The following ENTHD1 variants were observed in gnomAD, a reference collection of about 807,000 sequenced individuals.
The protein encoded by ENTHD1 is ENTH domain-containing protein 1.
A neutral mutation model predicts 39.1 loss-of-function variants in ENTHD1; 23 were observed. The ratio of observed to expected loss-of-function variants is 0.59; its 90% confidence interval spans 0.42 to 0.83. The LOEUF is 0.83. Among genes scored for constraint, ENTHD1 ranks in the 40% least tolerant of loss-of-function variants. The probability of loss-of-function intolerance (pLI) is 0.00; values close to 1 mark genes in which losing one functional copy is unlikely to be tolerated. For synonymous variants in ENTHD1, 230 were observed against 258.2 expected, an observed-to-expected ratio of 0.89 and a Z score of 1.05; for missense variants, 624 against 705.4, an observed-to-expected ratio of 0.88 and a Z score of 1.31.
intron 5 of ENTHD1, among the ~76,000 whole-genome samples, chr22:39,791,652 C>G (rs1341326465): frequency 6.6e-6 from 1 of 152,124 alleles, no homozygotes; most frequent in Non-Finnish European, 1.5e-5. Context: ...CCTGCCTCAG[C>G]CTCCCAAAGT....
chr22:39,857,556 G>A (rs1016473111), intron 3 of ENTHD1, among the ~76,000 whole-genome samples: 1 of 151,746 alleles, frequency 6.6e-6, no homozygotes, highest in African/African-American at 2.4e-5. Context: ...ATCAATTTAG[G>A]GATTCATTTC....
At chr22:39,758,845 T>C (rs995068227) in intron 6 of ENTHD1, among the ~76,000 whole-genome samples, 4 of 152,218 alleles carry the variant, frequency 2.6e-5, no homozygotes, top group Non-Finnish European at 5.9e-5. Context: ...TGCCAAATGC[T>C]TTTCTGCATG....
intron 5 of ENTHD1, among the ~76,000 whole-genome samples, chr22:39,779,116 A>G (rs2065387720): frequency 6.6e-6 from 1 of 152,184 alleles, no homozygotes; most frequent in African/African-American, 2.4e-5. Context: ...CAGGAGTTCG[A>G]GACCAGCCTG....
intron 2 of ENTHD1, among the ~76,000 whole-genome samples, chr22:39,863,880 C>T (rs577360155): frequency 6.6e-6 from 1 of 152,330 alleles, no homozygotes; most frequent in African/African-American, 2.4e-5. Flanking sequence ...CTGGTGTGGA[C>T]AGTGTCAGCA....
chr22:39,790,017 G>A (rs2065491611), intron 5 of ENTHD1, among the ~76,000 whole-genome samples: 1 of 152,062 alleles, frequency 6.6e-6, no homozygotes, highest in African/African-American at 2.4e-5. Flanking sequence ...GAGACCCACA[G>A]GCAGGAGGGG....
At chr22:39,801,618 G>A (rs1180169759) in intron 5 of ENTHD1, among the ~76,000 whole-genome samples, 1 of 152,178 alleles carries the variant, frequency 6.6e-6, no homozygotes, top group East Asian at 1.9e-4. Flanking sequence ...CTGTTGTATG[G>A]GAGGTAGTAA....
intron 5 of ENTHD1, among the ~76,000 whole-genome samples, chr22:39,778,304 A>G (rs2065381084): frequency 6.6e-6 from 1 of 152,164 alleles, no homozygotes; most frequent in African/African-American, 2.4e-5. Context: ...TGCAAGCATG[A>G]TGCATTCTCT....
intron 4 of ENTHD1, among the ~76,000 whole-genome samples, chr22:39,824,238 C>T (rs2065807456): frequency 1.9e-5 from 2 of 104,104 alleles, no homozygotes; most frequent in African/African-American, 7.6e-5. Flanking sequence ...GAGACAGAGT[C>T]TCGCCTTGTC....
At chr22:39,799,012 C>A (rs2205969) in intron 5 of ENTHD1, among the ~76,000 whole-genome samples, 9,077 of 152,206 alleles carry the variant, frequency 0.06, 455 homozygotes, top group Middle Eastern at 0.11. Flanking sequence ...GCAAGATAAT[C>A]CCCAGGCCCC....
At chr22:39,756,188 C>G (rs1159061162) in intron 6 of ENTHD1, among the ~76,000 whole-genome samples, 1 of 152,096 alleles carries the variant, frequency 6.6e-6, no homozygotes, top group Non-Finnish European at 1.5e-5. Flanking sequence ...ATGCTCTGAC[C>G]AATTCTGAAA....
In ENTHD1 at chr22:39,765,226, G is replaced by A. The variant is rs547267116; in HGVS notation, c.1216C>T (p.Arg406Trp). ...MDDKILKTTT[R>W]VSTASEGASS... ...TGTGTGTGTTTGGCAGACTCACCCC[G>A]TGTGGTTGTCTTGAGGATTTTATCA... The change falls in exon 6 of 7, where the codon CGG (arginine) becomes TGG (tryptophan). Residue 406 changes from arginine to tryptophan, a missense_variant. Arg to Trp is a moderately radical substitution (Grantham distance 101, BLOSUM62 -3). Transcript: ENST00000325157. 3.1e-4 allele frequency: 494 copies of A among 1,595,608 alleles called. No homozygotes were observed. Among genetic ancestry groups the A allele is most frequent in the Non-Finnish European group, 4.0e-4 (471 of 1,171,054 alleles).
Position 39,743,756 on chromosome 22 carries a change from T to C in ENTHD1, c.1747A>G (p.Met583Val). 1 of 1,614,180 alleles carries C rather than the reference T, an allele frequency of 6.2e-7. No individual in the cohort carries two copies. Residue 583 changes from methionine to valine, a missense_variant, in exon 7 of 7, where the codon ATG becomes GTG. Transcript: ENST00000325157. ...LNVINNILMS[M>V]SLNSSQISQS... ...CTTATTTGTGAACTATTCAGACTCA[T>C]GCTCATCAAGATGTTATTGATGACA...
chr22:39,857,446 A>C (rs2079521447), intron 3 of ENTHD1, among the ~76,000 whole-genome samples: 1 of 131,746 alleles, frequency 7.6e-6, no homozygotes, highest in African/African-American at 3.5e-5. Context: ...TCCGTCTCAA[A>C]AAAAAAAAAA....
chr22:39,887,881 T>G lies in ENTHD1; in HGVS notation c.-133A>C. 5 of 602,106 alleles carry G rather than the reference T, an allele frequency of 8.3e-6. No individual in the cohort carries two copies. Among genetic ancestry groups the G allele is most frequent in the Non-Finnish European group, 1.4e-5 (5 of 367,630 alleles). 37.3% of individuals were successfully genotyped at this position (602,106 alleles called of 1,614,324 possible). ...CTCCCAAATACAAATAATTAATCTC[T>G]ATGTTGATAAAGTATCAATTTCCTG... is the stretch of plus-strand genomic sequence containing the variant. On this transcript the variant is annotated 5_prime_UTR_variant, in exon 2 of 7. Transcript: ENST00000325157.
intron 2 of ENTHD1, among the ~76,000 whole-genome samples, chr22:39,871,530 T>C (rs1244200313): frequency 3.3e-5 from 5 of 152,230 alleles, no homozygotes; most frequent in Non-Finnish European, 7.3e-5. Flanking sequence ...TAGCATATAC[T>C]TACCAGTGAT....
intron 5 of ENTHD1, among the ~76,000 whole-genome samples, chr22:39,786,876 A>C (rs1018122222): frequency 4.1e-4 from 62 of 152,308 alleles, no homozygotes; most frequent in African/African-American, 1.4e-3. Context: ...GGATTTTTTT[A>C]AAAAGACTGA....
intron 2 of ENTHD1, among the ~76,000 whole-genome samples, chr22:39,865,643 A>G (rs1313208874): frequency 6.6e-6 from 1 of 152,230 alleles, no homozygotes; most frequent in Non-Finnish European, 1.5e-5. Context: ...GAAATCAGAA[A>G]TTAAACTAGT....
At position 39,743,672 on chromosome 22, in the gene ENTHD1, G is replaced by C. The variant is rs375082685; in HGVS notation, c.*7C>G. The C allele has an allele frequency of 1.9e-6, 3 of 1,577,990 alleles. No individual in the cohort carries two copies. The African/African-American group carries it at 4.1e-5, about 21-fold the overall frequency. On this transcript the variant is annotated 3_prime_UTR_variant, in exon 7 of 7. Transcript: ENST00000325157. ...ACGAGTTCTATCAAAAATAGATATT[G>C]TGATGATTAGATCTGATCTGAGCTC... is the stretch of plus-strand genomic sequence containing the variant.
At chr22:39,849,322 T>C (rs2066016645) in intron 3 of ENTHD1, among the ~76,000 whole-genome samples, 1 of 152,236 alleles carries the variant, frequency 6.6e-6, no homozygotes, top group Admixed American at 6.5e-5. Context: ...TGGCAATGTC[T>C]GCAGACTTTT....
Sources: allele counts gnomAD v4.1 joint callset (sites outside exome capture counted in the v4.1 genomes callset), GRCh38; gene constraint gnomAD v4.1.1; transcripts MANE v1.5; gene names NCBI Gene and HGNC (gene_info 2026-07-23, HGNC 2026-07-21).